The following ZCWPW2 variants were observed in gnomAD, a reference collection of about 807,000 sequenced individuals.
ZCWPW2 encodes zinc finger CW-type and PWWP domain containing 2, also known as zinc finger CW-type PWWP domain protein 2.
A neutral mutation model predicts 46.6 loss-of-function variants in ZCWPW2; 45 were observed. That is an observed-to-expected ratio of 0.96 (90% CI 0.76 to 1.24). The LOEUF (loss-of-function observed/expected upper bound fraction) is 1.24, where lower values mean the gene tolerates loss of function less well. ZCWPW2 is among the 50% of genes most tolerant of loss of function. ZCWPW2 has a pLI of 0.00. For missense variants in ZCWPW2, 429 were observed against 403.9 expected, an observed-to-expected ratio of 1.06 and a Z score of -0.53; for synonymous variants, 152 against 137.1, an observed-to-expected ratio of 1.11 and a Z score of -0.76.
At chr3:28,434,154 C>A (rs1251698063) in intron 3 of ZCWPW2, among the ~76,000 whole-genome samples, 2 of 152,048 alleles carry the variant, frequency 1.3e-5, no homozygotes, top group African/African-American at 4.8e-5. Flanking sequence ...CAGTTTATTT[C>A]AAACTTCCTT....
At chr3:28,486,952 T>C (rs2125812023) in intron 5 of ZCWPW2, among the ~76,000 whole-genome samples, 1 of 152,286 alleles carries the variant, frequency 6.6e-6, no homozygotes. Context: ...TCAACTCTTT[T>C]ATCGATTGCA....
intron 6 of ZCWPW2, among the ~76,000 whole-genome samples, chr3:28,512,167 G>T (rs1014316949): frequency 6.6e-5 from 10 of 151,406 alleles, no homozygotes; most frequent in African/African-American, 2.4e-4. Context: ...AAATTGACAT[G>T]AAAAATTCTT....
intron 4 of ZCWPW2, among the ~76,000 whole-genome samples, chr3:28,476,875 A>G (rs1475746803): frequency 6.6e-6 from 1 of 152,062 alleles, no homozygotes; most frequent in Non-Finnish European, 1.5e-5. Flanking sequence ...GCAGTTCACA[A>G]TAGGGTTCAT....
chr3:28,475,050 C>A (rs1699190119), intron 4 of ZCWPW2, among the ~76,000 whole-genome samples: 1 of 151,776 alleles, frequency 6.6e-6, no homozygotes, highest in South Asian at 2.1e-4. Flanking sequence ...CACCATGTTG[C>A]CTAAGCTGGT....
chr3:28,369,961 A>G (rs4680750), intron 1 of ZCWPW2, among the ~76,000 whole-genome samples: 73,231 of 152,068 alleles, frequency 0.48, 18,219 homozygotes, highest in Non-Finnish European at 0.54. Context: ...CGAGCCAGGC[A>G]CAGGATATAA....
At chr3:28,458,003 A>G (rs551102353) in intron 4 of ZCWPW2, among the ~76,000 whole-genome samples, 3 of 152,212 alleles carry the variant, frequency 2.0e-5, no homozygotes, top group East Asian at 1.9e-4. Flanking sequence ...GACCTGATAC[A>G]GAAAATGACA....
chr3:28,525,774 G>T lies in ZCWPW2; in HGVS notation c.*1086G>T, dbSNP rs1239868761. On this transcript the variant is annotated 3_prime_UTR_variant, in exon 10 of 10. Coordinates refer to ENST00000383768, the MANE Select transcript of ZCWPW2 (RefSeq NM_001040432.4). ...TTACGTAGAGTGGAGAGTGGAGATA[G>T]ACTCACAACGGTGAAATATCTTATT... 6.6e-6 allele frequency among the ~76,000 whole-genome samples: 1 copy of T among 152,210 alleles called. No individual in the cohort carries two copies. The highest frequency in any genetic ancestry group is 1.9e-4 in the East Asian group (1 of 5,206).
chr3:28,392,434 A>C (rs1303174226), intron 2 of ZCWPW2, among the ~76,000 whole-genome samples: 1 of 152,196 alleles, frequency 6.6e-6, no homozygotes, highest in East Asian at 1.9e-4. Flanking sequence ...ATAAGGAAAC[A>C]CTGAACTTAT....
chr3:28,520,408 G>A (rs1195111858), intron 8 of ZCWPW2, among the ~76,000 whole-genome samples: 2 of 152,172 alleles, frequency 1.3e-5, no homozygotes, highest in African/African-American at 4.8e-5. Context: ...GTTCAGCCTA[G>A]CCACTTAATT....
intron 3 of ZCWPW2, among the ~76,000 whole-genome samples, chr3:28,425,385 T>C (rs1696965647): frequency 6.6e-6 from 1 of 152,164 alleles, no homozygotes; most frequent in Admixed American, 6.5e-5. Context: ...CAGGATAAAT[T>C]ACAATAGAAA....
intron 2 of ZCWPW2, among the ~76,000 whole-genome samples, chr3:28,391,942 CA>C: frequency 1.3e-5 from 2 of 152,216 alleles, no homozygotes; most frequent in Middle Eastern, 6.8e-3. Context: ...AACAAAATGG[CA>C]ATAGTAAGTC....
chr3:28,513,962 G>A (rs1700495728), intron 6 of ZCWPW2, 102 bp from the exon 7 acceptor site: 1 of 878,546 alleles, frequency 1.1e-6, no homozygotes, highest in East Asian at 5.0e-5. Context: ...CAGCCGGGGT[G>A]TTTCTTCTGA....
Position 28,524,989 on chromosome 3 carries a change from GA to G in ZCWPW2, c.*302del, listed in dbSNP as rs1700814457. The stretch of plus-strand genomic sequence containing the variant: ...GCCTAACAAACATATGTTTTACAAT[GA>G]TTGTTTAGGCCCTTTGTTCAAAAAT... On this transcript the variant is annotated 3_prime_UTR_variant, in exon 10 of 10. Transcript: ENST00000383768. 1 of 166,202 alleles carries G rather than the reference GA, an allele frequency of 6.0e-6. No individual in the cohort carries two copies. The highest frequency in any genetic ancestry group is 2.4e-5 in the African/African-American group (1 of 41,818). 10.3% of individuals were successfully genotyped at this position (166,202 alleles called of 1,614,324 possible). A position where few individuals can be genotyped will look rare whatever the true frequency, so the allele number is the denominator to read the frequency against.
chr3:28,433,221 A>G (rs2125761168), intron 3 of ZCWPW2, among the ~76,000 whole-genome samples: 1 of 152,282 alleles, frequency 6.6e-6, no homozygotes, highest in East Asian at 1.9e-4. Context: ...TATGAGGCTG[A>G]ATATTCCATC....
intron 4 of ZCWPW2, among the ~76,000 whole-genome samples, chr3:28,441,977 G>A (rs1209649976): frequency 6.6e-6 from 1 of 152,172 alleles, no homozygotes; most frequent in Non-Finnish European, 1.5e-5. Context: ...CCTGCCAAAG[G>A]CTCCAGACAG....
At position 28,447,865 on chromosome 3, in the gene ZCWPW2, G is replaced by T. The variant is rs137943822; in HGVS notation, c.492+12596G>T. The T allele has an allele frequency of 3.9e-6, 4 of 1,035,146 alleles. No individual in the cohort carries two copies. In the African/African-American group the frequency reaches 6.3e-5, roughly 16 times the overall value. 64.1% of individuals were successfully genotyped at this position (1,035,146 alleles called of 1,614,324 possible). A position where few individuals can be genotyped will look rare whatever the true frequency, so the allele number is the denominator to read the frequency against. On this transcript the variant is annotated intron_variant, in intron 4 of 9. Transcript: ENST00000383768. ...GGAAAGCACCAAATCTGCATGTGGT[G>T]TGTGCCCAGGCAGACTTAGAGGGGT...
intron 1 of ZCWPW2, among the ~76,000 whole-genome samples, chr3:28,364,063 G>A (rs779385170): frequency 1.3e-5 from 2 of 152,112 alleles, no homozygotes; most frequent in Non-Finnish European, 2.9e-5. Context: ...TCTGTTAAAT[G>A]TAAGTAGCAT....
intron 2 of ZCWPW2, among the ~76,000 whole-genome samples, chr3:28,404,714 T>C (rs890056053): frequency 6.6e-6 from 1 of 152,134 alleles, no homozygotes; most frequent in East Asian, 1.9e-4. Flanking sequence ...AAAGAATGAA[T>C]TAATGGCATT....
intron 4 of ZCWPW2, among the ~76,000 whole-genome samples, chr3:28,450,846 T>C: frequency 6.6e-6 from 1 of 152,238 alleles, no homozygotes; most frequent in East Asian, 1.9e-4. Flanking sequence ...TTGCTAAACT[T>C]GAGCTTTATA....
Sources: allele counts gnomAD v4.1 joint callset (sites outside exome capture counted in the v4.1 genomes callset), GRCh38; gene constraint gnomAD v4.1.1; transcripts MANE v1.5; gene names NCBI Gene and HGNC (gene_info 2026-07-23, HGNC 2026-07-21).